The following KLHL26 variants were observed in gnomAD, a reference collection of about 807,000 sequenced individuals.
The protein encoded by KLHL26 is kelch-like protein 26.
A neutral mutation model predicts 7.1 loss-of-function variants in KLHL26; 4 were observed. The ratio of observed to expected loss-of-function variants is 0.56; its 90% CI spans 0.28 to 1.28. The LOEUF (loss-of-function observed/expected upper bound fraction) is 1.28, where lower values mean the gene tolerates loss of function less well. KLHL26 is among the 50% of genes most tolerant of loss of function. The pLI, the probability that KLHL26 is intolerant of heterozygous loss-of-function variation, is 0.11. For synonymous variants in KLHL26, 465 were observed against 414.1 expected (o/e 1.12, Z -1.49); for missense variants, 896 against 924.6 (o/e 0.97, Z 0.40).
rs776688679 is a variant in KLHL26, at chr19:18,668,933, C to T, written c.1536C>T (p.Ala512=). Residue 512 remains alanine (A), a synonymous_variant, in exon 3 of 3, where the codon GCC becomes GCT. Transcript: ENST00000300976. ...AMVGAGGRIY[A]LGGRMDHVDR... ...TGGGTGCCGGCGGCCGCATCTATGC[C>T]CTCGGGGGCCGCATGGACCACGTGG... The T allele has an allele frequency of 1.1e-5, 18 of 1,608,940 alleles. No homozygotes were observed. The highest frequency in any genetic ancestry group is 1.5e-5 in the Non-Finnish European group (18 of 1,179,860).
chr19:18,668,848 T>G lies in KLHL26; in HGVS notation c.1451T>G (p.Val484Gly), dbSNP rs1222142150. The G allele has an allele frequency of 6.3e-7, 1 of 1,592,700 alleles. No homozygotes were observed. Among genetic ancestry groups the G allele is most frequent in the African/African-American group, 1.3e-5 (1 of 74,896 alleles). Residue 484 changes from valine (V) to glycine (G), a missense_variant, in exon 3 of 3, where the codon GTG becomes GGG. Physicochemically the swap from Val to Gly is moderately radical, Grantham distance 109. Transcript: ENST00000300976. Reference sequence around the variant, plus strand: ...AAGGCCCTGCACTGCTACGACCCCGTGGCCGACCAGTGGGAGTTCAAGGCG... The same window carrying G: ...AAGGCCCTGCACTGCTACGACCCCGGGGCCGACCAGTGGGAGTTCAAGGCG... ...DKKALHCYDPVADQWEFKAPM... is the reference protein window; with the variant it reads ...DKKALHCYDPGADQWEFKAPM...
intron 1 of KLHL26, among the ~76,000 whole-genome samples, chr19:18,638,688 G>C (rs1568452599): frequency 1.3e-5 from 2 of 152,144 alleles, no homozygotes; most frequent in South Asian, 4.1e-4. Context: ...TGGGGCTAGG[G>C]CTTTTTTTAT....
rs752347113 is a variant in KLHL26 at position 18,668,151 on chromosome 19, C to T, written c.754C>T (p.Arg252Cys). The T allele has an allele frequency of 2.0e-5, 32 of 1,607,262 alleles. No individual in the cohort carries two copies. The highest frequency in any genetic ancestry group is 5.3e-5 in the African/African-American group (4 of 74,902). ...CGCCAGCCACGTGCTCTGCCACATT[C>T]GCTTCCCGCTCATGCAGTCGTCCGA... is the stretch of plus-strand genomic sequence containing the variant. The part of the protein sequence containing the change: ...PRASHVLCHI[R>C]FPLMQSSELV... Residue 252 changes from arginine to cysteine, a missense_variant, in exon 3 of 3, where the codon CGC becomes TGC. By Grantham distance (180) the Arg-to-Cys change is radical. Coordinates refer to ENST00000300976, the MANE Select transcript of KLHL26 (RefSeq NM_018316.3).
chr19:18,638,413 C>T (rs1976656173), intron 1 of KLHL26, among the ~76,000 whole-genome samples: 1 of 152,188 alleles, frequency 6.6e-6, no homozygotes, highest in African/African-American at 2.4e-5. Context: ...CACCTTGAGA[C>T]TTAGGTCTGT....
intron 1 of KLHL26, among the ~76,000 whole-genome samples, chr19:18,645,293 C>T (rs1976782729): frequency 1.3e-5 from 2 of 152,228 alleles, no homozygotes; most frequent in Non-Finnish European, 2.9e-5. Context: ...GGAGTCGCAC[C>T]TCCCCAGCTA....
chr19:18,659,096 C>G (rs538046068), intron 1 of KLHL26, among the ~76,000 whole-genome samples: 1 of 152,194 alleles, frequency 6.6e-6, no homozygotes, highest in African/African-American at 2.4e-5. Context: ...CTCTGGGTAT[C>G]TGTCCACTTC....
At position 18,670,234 on chromosome 19, in the gene KLHL26, A is replaced by G. The variant is rs1275299045; in HGVS notation, c.*989A>G. 6.6e-6 allele frequency: 1 copy of G among 152,106 alleles called. No individual in the cohort carries two copies. Among genetic ancestry groups the G allele is most frequent in the Non-Finnish European group, 1.5e-5 (1 of 68,026 alleles). 9.4% of individuals were successfully genotyped at this position (152,106 alleles called of 1,614,324 possible). A position where few individuals can be genotyped will look rare whatever the true frequency, so the allele number is the denominator to read the frequency against. ...CCTTTCCCTTCAAGGGCTCTGTGGT[A>G]TCTCTGGCCACATTTGTTCTAATGT... On this transcript the variant is annotated 3_prime_UTR_variant, in exon 3 of 3. Coordinates refer to ENST00000300976, the MANE Select transcript of KLHL26 (RefSeq NM_018316.3).
intron 1 of KLHL26, among the ~76,000 whole-genome samples, chr19:18,662,107 G>A (rs2052397426): frequency 6.6e-6 from 1 of 152,098 alleles, no homozygotes; most frequent in Non-Finnish European, 1.5e-5. Flanking sequence ...TGCTCCTAAG[G>A]ACTGAGTGGC....
intron 2 of KLHL26, among the ~76,000 whole-genome samples, chr19:18,665,589 T>A (rs1287877080): frequency 6.6e-6 from 1 of 152,178 alleles, no homozygotes. Context: ...CCTCCCTGTC[T>A]CCCTGAGCTG....
In KLHL26 at chr19:18,667,965, C is replaced by T. The variant is rs755044793; in HGVS notation, c.568C>T (p.Arg190Trp). The T allele has an allele frequency of 4.4e-6, 7 of 1,609,112 alleles. No homozygotes were observed. The highest frequency in any genetic ancestry group is 5.9e-6 in the Non-Finnish European group (7 of 1,179,970). ...AGAGTCGGTGGATGCCTTCACCTTC[C>T]GGCACTTCCTGCAGATCGCCGAGGA... ...LRESVDAFTFRHFLQIAEEED... is the reference protein window; with the variant it reads ...LRESVDAFTFWHFLQIAEEED... Residue 190 changes from arginine to tryptophan, a missense_variant, in exon 3 of 3, where the codon CGG becomes TGG. Transcript: ENST00000300976.
intron 1 of KLHL26, among the ~76,000 whole-genome samples, chr19:18,653,565 GCACC>G: frequency 2.3e-5 from 1 of 44,386 alleles, no homozygotes; most frequent in South Asian, 1.2e-3. Context: ...ACCCTTCCAT[GCACC>G]CACCCATCCA....
chr19:18,659,606 A>G (rs920865286), intron 1 of KLHL26: 5 of 152,074 alleles, frequency 3.3e-5, no homozygotes, highest in African/African-American at 1.2e-4. Context: ...AGGATTTTAC[A>G]AAACCCCAAA....
rs1354933271 is a variant in KLHL26, at chr19:18,669,087, G to A, written c.1690G>A (p.Val564Ile). The A allele has an allele frequency of 4.3e-6, 7 of 1,612,802 alleles. No homozygotes were observed. Among genetic ancestry groups the A allele is most frequent in the Non-Finnish European group, 5.9e-6 (7 of 1,179,970 alleles). ...CCLLERKIYI[V>I]GGYNWRLNNV... The stretch of plus-strand genomic sequence containing the variant: ...CCTGCTGGAGAGGAAGATCTACATC[G>A]TCGGGGGCTACAACTGGCGTCTCAA... The change falls in exon 3 of 3, where the codon GTC (valine) becomes ATC (isoleucine). Residue 564 changes from valine to isoleucine, a missense_variant. Val to Ile is a conservative substitution (Grantham distance 29, BLOSUM62 3). Transcript: ENST00000300976.
At chr19:18,637,323 A>AG (rs1471138607) in intron 1 of KLHL26, among the ~76,000 whole-genome samples, 186 bp downstream of exon 1, 1 of 149,846 alleles carries the variant, frequency 6.7e-6, no homozygotes, top group Non-Finnish European at 1.5e-5. Context: ...GGGTGGCTGG[A>AG]GGGGGGCTGG....
chr19:18,663,003 G>A (rs548493776), intron 1 of KLHL26, among the ~76,000 whole-genome samples: 2 of 152,182 alleles, frequency 1.3e-5, no homozygotes, highest in East Asian at 1.9e-4. Context: ...ACCCTCCCAG[G>A]CAAACACCAG....
At position 18,661,531 on chromosome 19, in the gene KLHL26, G is replaced by A. The variant is rs117035539; in HGVS notation, c.84-2730G>A. Among the ~76,000 whole-genome samples the A allele has an allele frequency of 3.7e-4, 56 of 152,246 alleles. No individual in the cohort carries two copies. In the East Asian group the frequency reaches 0.01, roughly 27 times the overall value. ...ACTCTGCCTCTTCCTTCCTCCTGCA[G>A]CCTTGACGTCATCCCCTGCATGCAA... On this transcript the variant is annotated intron_variant, in intron 1 of 2. Transcript: ENST00000300976.
rs1345540236 is a variant in KLHL26, at chr19:18,649,545, G to A, written c.83+12408G>A. 1.3e-5 allele frequency among the ~76,000 whole-genome samples: 2 copies of A among 152,218 alleles called. No homozygotes were observed. The highest frequency in any genetic ancestry group is 4.8e-5 in the African/African-American group (2 of 41,452). On this transcript the variant is annotated intron_variant, in intron 1 of 2. Coordinates refer to ENST00000300976, the MANE Select transcript of KLHL26 (RefSeq NM_018316.3). This position sits in a 1 kb window ranked among gnomAD's most constrained non-coding sequence, Gnocchi z 4.0. ...TACCGTTTTGCGTGTGCTGTCTTTAGTGAGTGAGCAAAACCTCAGCCCTGC... is the reference window on the plus strand; with the variant it reads ...TACCGTTTTGCGTGTGCTGTCTTTAATGAGTGAGCAAAACCTCAGCCCTGC...
At chr19:18,665,313 CCCA>C (rs2052436820) in intron 2 of KLHL26, among the ~76,000 whole-genome samples, 1 of 152,230 alleles carries the variant, frequency 6.6e-6, no homozygotes. Flanking sequence ...GCCTCAGCCT[CCCA>C]AAGTGCTGGG....
At chr19:18,659,736 T>C (rs902418137) in intron 1 of KLHL26, 6 of 152,168 alleles carry the variant, frequency 3.9e-5, no homozygotes, top group Non-Finnish European at 5.9e-5. Flanking sequence ...AAGCCGACCA[T>C]GGAGATGAGG....
Sources: allele counts gnomAD v4.1 joint callset (sites outside exome capture counted in the v4.1 genomes callset), GRCh38; gene constraint gnomAD v4.1.1; non-coding constraint Gnocchi (gnomAD v3.1); transcripts MANE v1.5; gene names NCBI Gene and HGNC (gene_info 2026-07-23, HGNC 2026-07-21).